NT5E: variants seen among roughly 807,000 people sequenced by gnomAD.
The protein encoded by NT5E is 5'-nucleotidase ecto, also known as 5'-nucleotidase.
Under a neutral mutation model 55.1 loss-of-function variants are expected in NT5E, and 53 were observed. The ratio of observed to expected loss-of-function variants is 0.96; its 90% CI spans 0.77 to 1.21. The LOEUF (loss-of-function observed/expected upper bound fraction) is 1.21. Among genes scored for constraint, NT5E ranks in the 50% most tolerant of loss-of-function variants. The probability of loss-of-function intolerance (pLI) is 0.00; values close to 1 mark genes in which losing one functional copy is unlikely to be tolerated. For synonymous variants in NT5E, 270 were observed against 278.4 expected, an observed-to-expected ratio of 0.97 and a Z score of 0.30; for missense variants, 683 against 724.3, an observed-to-expected ratio of 0.94 and a Z score of 0.65.
In NT5E at chr6:85,450,110, GC is replaced by G; in HGVS notation, c.-29del. ...TCGCCGGCACTCGCCCGGCTCGCCCGCTTTCGCACCCAGTTCACGCGCCACA... is the reference window on the plus strand; with the variant it reads ...TCGCCGGCACTCGCCCGGCTCGCCCGTTTCGCACCCAGTTCACGCGCCACA... On this transcript the variant is annotated 5_prime_UTR_variant, in exon 1 of 9. Transcript: ENST00000257770. This position sits in a 1 kb window ranked among gnomAD's most constrained non-coding sequence, Gnocchi z 4.0. 1 of 1,532,268 alleles carries G rather than the reference GC, an allele frequency of 6.5e-7. No homozygotes were observed. The highest frequency in any genetic ancestry group is 8.8e-7 in the Non-Finnish European group (1 of 1,141,460). The allele number at this position is 1,532,268 out of a possible 1,614,324, so 94.9% of individuals were successfully genotyped here.
At chr6:85,466,965 T>C in intron 1 of NT5E, 95 bp from the exon 2 acceptor site, 1 of 1,167,596 alleles carries the variant, frequency 8.6e-7, no homozygotes, top group Non-Finnish European at 1.3e-6. Flanking sequence ...AATCATGCAA[T>C]ATGTCTCATA....
At position 85,494,229 on chromosome 6, in the gene NT5E, AACT is replaced by A. The variant is rs1368423389; in HGVS notation, c.*227_*229del. The A allele has an allele frequency of 1.8e-6, 1 of 545,114 alleles. No individual in the cohort carries two copies. Among genetic ancestry groups the A allele is most frequent in the Non-Finnish European group, 3.2e-6 (1 of 308,810 alleles). The allele number at this position is 545,114 out of a possible 1,614,324, so 33.8% of individuals were successfully genotyped here. The stretch of plus-strand genomic sequence containing the variant: ...CATAGGGCCCTATAAGGAGAAAGCC[AACT>A]ATGTTAAGTTTACGTGTCCAAATTT... On this transcript the variant is annotated 3_prime_UTR_variant, in exon 9 of 9. Coordinates refer to ENST00000257770, the MANE Select transcript of NT5E (RefSeq NM_002526.4).
intron 3 of NT5E, among the ~76,000 whole-genome samples, chr6:85,474,820 C>A (rs979586345): frequency 6.6e-6 from 1 of 151,972 alleles, no homozygotes; most frequent in Non-Finnish European, 1.5e-5. Flanking sequence ...TGTAGTCCCA[C>A]CTACTCAGGA....
intron 1 of NT5E, among the ~76,000 whole-genome samples, chr6:85,459,293 G>T (rs1769047482): frequency 6.6e-6 from 1 of 152,124 alleles, no homozygotes. Context: ...TCAATTATAG[G>T]GCTTCCTGCA....
chr6:85,454,710 G>C (rs1768953927), intron 1 of NT5E, among the ~76,000 whole-genome samples: 1 of 151,988 alleles, frequency 6.6e-6, no homozygotes, highest in South Asian at 2.1e-4. Flanking sequence ...TTGAAAGTTT[G>C]CCTAATAGTT....
intron 1 of NT5E, among the ~76,000 whole-genome samples, chr6:85,453,867 A>G (rs1768939722): frequency 6.6e-6 from 1 of 152,186 alleles, no homozygotes; most frequent in African/African-American, 2.4e-5. Context: ...CATAGACAAC[A>G]TTCTAATGTG....
intron 1 of NT5E, among the ~76,000 whole-genome samples, chr6:85,453,784 C>T (rs2127753586): frequency 6.6e-6 from 1 of 152,304 alleles, no homozygotes; most frequent in South Asian, 2.1e-4. Flanking sequence ...GAACCATGGC[C>T]CCCGCCTTTA....
chr6:85,450,110 G>T lies in NT5E; in HGVS notation c.-30G>T. 1 of 1,532,268 alleles carries T rather than the reference G, an allele frequency of 6.5e-7. No individual in the cohort carries two copies. The highest frequency in any genetic ancestry group is 8.8e-7 in the Non-Finnish European group (1 of 1,141,460). The allele number at this position is 1,532,268 out of a possible 1,614,324, so 94.9% of individuals were successfully genotyped here. On this transcript the variant is annotated 5_prime_UTR_variant, in exon 1 of 9. Coordinates refer to ENST00000257770, the MANE Select transcript of NT5E (RefSeq NM_002526.4). The surrounding 1 kb of genome is among the most constrained non-coding windows in gnomAD (Gnocchi z 4.0). ...TCGCCGGCACTCGCCCGGCTCGCCC[G>T]CTTTCGCACCCAGTTCACGCGCCAC...
At chr6:85,465,415 T>C (rs972855741) in intron 1 of NT5E, among the ~76,000 whole-genome samples, 1 of 152,148 alleles carries the variant, frequency 6.6e-6, no homozygotes, top group African/African-American at 2.4e-5. Context: ...CAAGGGAGAC[T>C]TATTTCACCA....
In NT5E at chr6:85,467,110, A is replaced by G. The variant is rs762187429; in HGVS notation, c.390A>G (p.Pro130=). The stretch of plus-strand genomic sequence containing the variant: ...ATGGTGTGGAAGGACTGATCGAGCC[A>G]CTCCTCAAAGAGGCCAAATTTCCAA... ...FDNGVEGLIE[P]LLKEAKFPIL... is the part of the protein sequence containing the mutation. Residue 130 remains proline (P), a synonymous_variant, in exon 2 of 9, where the codon CCA becomes CCG. Transcript: ENST00000257770. 18 of 1,614,032 alleles carry G rather than the reference A, an allele frequency of 1.1e-5. No individual in the cohort carries two copies. In the South Asian group the frequency reaches 1.9e-4, roughly 17 times the overall value.
In NT5E at chr6:85,492,148, T is replaced by TA; in HGVS notation, c.1536dup (p.Asp513ArgfsTer2). On this transcript the variant is annotated frameshift_variant, in exon 8 of 9. Transcript: ENST00000257770. LOFTEE classifies it high-confidence loss of function. ...AATGGTGGAGATGGGTTCCAGATGATAAAAGATGAATTATTAAGACATGAC... is the reference window on the plus strand; with the variant it reads ...AATGGTGGAGATGGGTTCCAGATGATAAAAAGATGAATTATTAAGACATGAC... 1.9e-6 allele frequency: 3 copies of TA among 1,614,120 alleles called. No individual in the cohort carries two copies. Among genetic ancestry groups the TA allele is most frequent in the Non-Finnish European group, 2.5e-6 (3 of 1,179,982 alleles).
At chr6:85,489,470 T>A (rs770552473) in intron 5 of NT5E, 24 bp from the exon 6 acceptor site, 6 of 1,511,452 alleles carry the variant, frequency 4.0e-6, no homozygotes, top group Non-Finnish European at 4.6e-6. Context: ...GAGTAACTAG[T>A]GTAAATCTGT....
chr6:85,466,129 C>A (rs1769187099), intron 1 of NT5E, among the ~76,000 whole-genome samples: 1 of 152,120 alleles, frequency 6.6e-6, no homozygotes, highest in African/African-American at 2.4e-5. Context: ...GCTGACATGT[C>A]ATGCTTTGTC....
At chr6:85,455,980 G>C in intron 1 of NT5E, among the ~76,000 whole-genome samples, 1 of 152,076 alleles carries the variant, frequency 6.6e-6, no homozygotes, top group East Asian at 1.9e-4. Context: ...GATAGCTTCG[G>C]GAAGGGGGCT....
At chr6:85,492,527 CATT>C (rs1377006359) in intron 8 of NT5E, among the ~76,000 whole-genome samples, 1 of 152,212 alleles carries the variant, frequency 6.6e-6, no homozygotes, top group Non-Finnish European at 1.5e-5. Context: ...AAAACCATCA[CATT>C]AAATCATTTA....
chr6:85,492,520 A>C (rs946944526), intron 8 of NT5E, among the ~76,000 whole-genome samples: 2 of 152,184 alleles, frequency 1.3e-5, no homozygotes, highest in African/African-American at 4.8e-5. Flanking sequence ...GATATGGAAA[A>C]CCATCACATT....
intron 1 of NT5E, among the ~76,000 whole-genome samples, chr6:85,458,431 G>T (rs1451824255): frequency 2.0e-5 from 3 of 152,174 alleles, no homozygotes; most frequent in East Asian, 3.9e-4. Flanking sequence ...TTCAGGCAGG[G>T]GAGGGAGGAA....
At chr6:85,454,775 C>T (rs1768954924) in intron 1 of NT5E, among the ~76,000 whole-genome samples, 1 of 152,180 alleles carries the variant, frequency 6.6e-6, no homozygotes, top group Non-Finnish European at 1.5e-5. Flanking sequence ...TCAGAGATCA[C>T]CACGGTTCTC....
intron 1 of NT5E, among the ~76,000 whole-genome samples, chr6:85,455,558 C>A (rs1768971246): frequency 6.6e-6 from 1 of 152,230 alleles, no homozygotes; most frequent in African/African-American, 2.4e-5. Context: ...GGCTGTTCAT[C>A]TATATCCTTT....
Sources: allele counts gnomAD v4.1 joint callset (sites outside exome capture counted in the v4.1 genomes callset), GRCh38; gene constraint gnomAD v4.1.1; non-coding constraint Gnocchi (gnomAD v3.1); transcripts MANE v1.5; gene names NCBI Gene and HGNC (gene_info 2026-07-23, HGNC 2026-07-21).